EZH2: variants seen among roughly 807,000 people sequenced by gnomAD.
EZH2 encodes the protein histone-lysine N-methyltransferase EZH2.
In EZH2, 18 loss-of-function variants were observed where a neutral mutation model predicts 98.4. The ratio of observed to expected loss-of-function variants is 0.18; its 90% CI spans 0.13 to 0.27. The LOEUF (loss-of-function observed/expected upper bound fraction) is 0.27, where lower values mean the gene tolerates loss of function less well. Among genes scored for constraint, EZH2 ranks in the 10% least tolerant of loss-of-function variants. EZH2 has a pLI of 1.00. For synonymous variants in EZH2, 338 were observed against 312.3 expected (o/e 1.08, Z -0.87); for missense variants, 470 against 935.1 (o/e 0.50, Z 6.49).
intron 3 of EZH2, among the ~76,000 whole-genome samples, chr7:148,835,172 C>G (rs1810546644): frequency 6.6e-6 from 1 of 152,158 alleles, no homozygotes; most frequent in Admixed American, 6.5e-5. Flanking sequence ...ATAATCTCAG[C>G]ACTTTGGCAG....
chr7:148,843,846 C>T lies in EZH2; in HGVS notation c.246+2624G>A, dbSNP rs563664231. 5.3e-4 allele frequency among the ~76,000 whole-genome samples: 80 copies of T among 152,048 alleles called. 1 individual carries two copies. The South Asian group carries it at 7.7e-3, about 15-fold the overall frequency. ...TCCTGACCTCGTGATCCGCCCGCCT[C>T]GGCCTCCCAAAGTGCTGGGATTACA... On this transcript the variant is annotated intron_variant, in intron 3 of 19. Coordinates refer to ENST00000320356, the MANE Select transcript of EZH2 (RefSeq NM_004456.5).
chr7:148,843,979 C>A (rs1813263705), intron 3 of EZH2, among the ~76,000 whole-genome samples: 1 of 152,216 alleles, frequency 6.6e-6, no homozygotes, highest in African/African-American at 2.4e-5. Flanking sequence ...AAATTGAAGA[C>A]ACCAGCACTT....
Position 148,813,977 on chromosome 7 carries a change from A to G in EZH2, c.1833T>C (p.Ile611=). Residue 611 remains isoleucine (I), a synonymous_variant, in exon 15 of 20, where the codon ATT becomes ATC. Transcript: ENST00000320356. ...SKNVSCKNCS[I]QRGSKKHLLL... Reference sequence around the variant, plus strand: ...TGCTCACCTTTTTGGAGCCCCGCTGAATACTGCAGTTCTTGCAGGACACAT... The same window carrying G: ...TGCTCACCTTTTTGGAGCCCCGCTGGATACTGCAGTTCTTGCAGGACACAT... The G allele has an allele frequency of 5.0e-6, 8 of 1,613,786 alleles. No individual in the cohort carries two copies. Among genetic ancestry groups the G allele is most frequent in the Non-Finnish European group, 6.8e-6 (8 of 1,179,898 alleles).
At chr7:148,816,374 T>C (rs148432827) in intron 12 of EZH2, among the ~76,000 whole-genome samples, 70 of 152,368 alleles carry the variant, frequency 4.6e-4, no homozygotes, top group African/African-American at 1.6e-3. Flanking sequence ...CATTTCATGA[T>C]GTTAAAGTAA....
In EZH2 at chr7:148,829,769, T is replaced by TG; in HGVS notation, c.442_443insC (p.Glu148AlafsTer7). The TG allele has an allele frequency of 6.2e-7, 1 of 1,610,660 alleles. No individual in the cohort carries two copies. The highest frequency in any genetic ancestry group is 8.5e-7 in the Non-Finnish European group (1 of 1,178,706). On this transcript the variant is annotated frameshift_variant, in exon 5 of 20. Transcript: ENST00000320356. LOFTEE classifies it high-confidence loss of function. ...TTTCCCATCATAATTTTTTATTAGT[T>TG]CTTCAATGAAAGTACCATCCTGATC...
chr7:148,827,660 C>T (rs3757441), intron 6 of EZH2, among the ~76,000 whole-genome samples: 121,091 of 152,170 alleles, frequency 0.8, 48,638 homozygotes, highest in African/African-American at 0.9. Flanking sequence ...TTTTGAAATA[C>T]GCTTCTTAGA....
Position 148,847,170 on chromosome 7 carries a change from A to G in EZH2, c.117+12T>C, listed in dbSNP as rs1297714963. On this transcript the variant is annotated intron_variant, in intron 2 of 19. Transcript: ENST00000320356. ...AATTGTATATTCATTTTCACAAAAG[A>G]TAAAATTATACCTTTACTTCATCAG... 1 of 1,595,494 alleles carries G rather than the reference A, an allele frequency of 6.3e-7. No homozygotes were observed. Among genetic ancestry groups the G allele is most frequent in the East Asian group, 2.2e-5 (1 of 44,640 alleles).
chr7:148,831,439 T>G (rs1469362634), intron 4 of EZH2, among the ~76,000 whole-genome samples: 1 of 152,236 alleles, frequency 6.6e-6, no homozygotes, highest in Admixed American at 6.5e-5. Context: ...CACATCATCC[T>G]GCTCTCCAAA....
chr7:148,861,227 TC>T (rs1210553670), intron 1 of EZH2, among the ~76,000 whole-genome samples: 2 of 122,750 alleles, frequency 1.6e-5, no homozygotes, highest in Non-Finnish European at 3.4e-5. Flanking sequence ...ATTATTTGTA[TC>T]TTTTTTTTTT....
At chr7:148,861,719 C>CCT (rs1301282229) in intron 1 of EZH2, among the ~76,000 whole-genome samples, 1 of 151,158 alleles carries the variant, frequency 6.6e-6, no homozygotes, top group Non-Finnish European at 1.5e-5. Context: ...GCCTATAATC[C>CCT]TAGCACTTTG....
chr7:148,841,181 CTTT>C (rs780466171), intron 3 of EZH2, among the ~76,000 whole-genome samples: 5 of 146,252 alleles, frequency 3.4e-5, no homozygotes, highest in African/African-American at 1.2e-4. Flanking sequence ...CACAAATGAC[CTTT>C]TTTTTTTAAG....
At chr7:148,854,886 T>G (rs1453332750) in intron 1 of EZH2, among the ~76,000 whole-genome samples, 1 of 152,234 alleles carries the variant, frequency 6.6e-6, no homozygotes, top group Admixed American at 6.5e-5. Flanking sequence ...TAAATGAGAT[T>G]TTGTAGGTAA....
intron 1 of EZH2, among the ~76,000 whole-genome samples, chr7:148,860,419 A>T (rs1006745907): frequency 6.6e-6 from 1 of 152,206 alleles, no homozygotes; most frequent in Non-Finnish European, 1.5e-5. Context: ...AAGGAAGAAC[A>T]GGTCAAAAGA....
chr7:148,847,827 T>C (rs9691534), intron 1 of EZH2, among the ~76,000 whole-genome samples: 123,273 of 152,248 alleles, frequency 0.81, 50,630 homozygotes, highest in African/African-American at 0.95. Flanking sequence ...ACACACTTAA[T>C]CATGCACCTC....
At chr7:148,858,048 T>C (rs1303356435) in intron 1 of EZH2, among the ~76,000 whole-genome samples, 1 of 150,572 alleles carries the variant, frequency 6.6e-6, no homozygotes, top group Non-Finnish European at 1.5e-5. Flanking sequence ...ATCCCAGCAC[T>C]TTGGGAGGCC....
At chr7:148,813,542 C>T (rs1803752962) in intron 15 of EZH2, among the ~76,000 whole-genome samples, 2 of 151,558 alleles carry the variant, frequency 1.3e-5, no homozygotes, top group African/African-American at 2.4e-5. Flanking sequence ...ATCTTTTACT[C>T]TACATAGCAA....
At chr7:148,830,378 T>C (rs1049769235) in intron 4 of EZH2, among the ~76,000 whole-genome samples, 1 of 152,092 alleles carries the variant, frequency 6.6e-6, no homozygotes, top group African/African-American at 2.4e-5. Context: ...GATGATGAAA[T>C]ATGGTGTATC....
intron 1 of EZH2, among the ~76,000 whole-genome samples, chr7:148,863,123 T>G (rs1345298126): frequency 1.3e-5 from 2 of 148,218 alleles, no homozygotes; most frequent in African/African-American, 5.0e-5. Context: ...AAAAAATAGT[T>G]TTGATCCCAT....
intron 1 of EZH2, among the ~76,000 whole-genome samples, chr7:148,867,118 G>A (rs941125312): frequency 6.6e-6 from 1 of 151,660 alleles, no homozygotes; most frequent in African/African-American, 2.4e-5. Context: ...CCTGAGGGCA[G>A]GAGTTCAACA....
Sources: allele counts gnomAD v4.1 joint callset (sites outside exome capture counted in the v4.1 genomes callset), GRCh38; gene constraint gnomAD v4.1.1; transcripts MANE v1.5; gene names NCBI Gene and HGNC (gene_info 2026-07-23, HGNC 2026-07-21).